The following UBA1 variants were observed in gnomAD, a reference collection of about 807,000 sequenced individuals.
UBA1 encodes the protein ubiquitin-like modifier-activating enzyme 1.
In UBA1, 4 loss-of-function variants were observed where a neutral mutation model predicts 84.7. The ratio of observed to expected loss-of-function variants is 0.05; its 90% CI spans 0.02 to 0.11. UBA1 has a LOEUF of 0.11. UBA1 is among the 10% of genes least tolerant of loss of function. The pLI, the probability that UBA1 is intolerant of heterozygous loss-of-function variation, is 1.00. For missense variants in UBA1, 513 were observed against 902.8 expected (o/e 0.57, Z 5.53); for synonymous variants, 364 against 362.6 (o/e 1.00, Z -0.04).
Position 47,206,055 on chromosome X carries a change from T to C in UBA1, c.1683T>C (p.Asp561=), listed in dbSNP as rs781873529. The change falls in exon 15 of 26, where the codon GAT becomes GAC. Residue 561 remains aspartate (D), a synonymous_variant. Transcript: ENST00000335972. ...RVGPDTERIY[D]DDFFQNLDGV... ...GTCCTGACACGGAGCGCATCTATGA[T>C]GACGATTTTTTCCAAAACCTAGATG... The C allele has an allele frequency of 9.1e-6, 11 of 1,203,578 alleles. No homozygotes were observed. The East Asian group carries it at 3.0e-4, about 33-fold the overall frequency.
chrX:47,204,431 C>A (rs1936573669), intron 14 of UBA1, among the ~76,000 whole-genome samples: 1 of 111,211 alleles, frequency 9.0e-6, no homozygotes, highest in Non-Finnish European at 1.9e-5. Context: ...ATAACAGCAA[C>A]AAGGTGTAAC....
At chrX:47,192,800 A>G (rs1486999404), upstream of UBA1, among the ~76,000 whole-genome samples, 2 of 112,334 alleles carry the variant, frequency 1.8e-5, no homozygotes, top group African/African-American at 3.2e-5. Flanking sequence ...CATCTTGGCC[A>G]GGCTGGTCTC....
intron 1 of UBA1, chrX:47,198,185 A>G: frequency 1.0e-6 from 1 of 973,709 alleles, no homozygotes; most frequent in East Asian, 7.6e-5. Flanking sequence ...CGCTCCTGCC[A>G]TCATGCCACC....
chrX:47,196,072 C>A (rs189488435), intron 1 of UBA1, among the ~76,000 whole-genome samples: 91 of 110,763 alleles, frequency 8.2e-4, no homozygotes, highest in African/African-American at 3.0e-3. Flanking sequence ...TGGGGCCCAG[C>A]AACTGTCCTC....
chrX:47,197,196 G>A, intron 1 of UBA1: 17 of 754,962 alleles, frequency 2.3e-5, no homozygotes, highest in Non-Finnish European at 2.7e-5. Flanking sequence ...TAGCCCTGTG[G>A]ACTGGGCCCT....
chrX:47,196,841 A>G (rs1025079640), intron 1 of UBA1, among the ~76,000 whole-genome samples: 29 of 112,012 alleles, frequency 2.6e-4, no homozygotes, highest in African/African-American at 9.4e-4. Flanking sequence ...TGACAAGGCA[A>G]GGAGATAACT....
Position 47,202,238 on chromosome X carries a change from T to C in UBA1, c.894T>C (p.Pro298=), listed in dbSNP as rs1936442262. 1 of 1,209,315 alleles carries C rather than the reference T, an allele frequency of 8.3e-7. No homozygotes were observed. Among genetic ancestry groups the C allele is most frequent in the Non-Finnish European group, 1.1e-6 (1 of 894,050 alleles). ...RGGIVSQVKV[P]KKISFKSLVA... ...GCATCGTCAGTCAGGTCAAAGTACC[T>C]AAGAAGATTAGCTTTGTGAGTGTGT... The change falls in exon 9 of 26, where the codon CCT becomes CCC. Residue 298 remains proline, a synonymous_variant. Transcript: ENST00000335972.
At chrX:47,194,395 T>C (rs1936125823) in intron 1 of UBA1, among the ~76,000 whole-genome samples, 1 of 112,318 alleles carries the variant, frequency 8.9e-6, no homozygotes, top group Admixed American at 9.4e-5. Context: ...TCCTCACCAT[T>C]GAATGCCGTT....
At chrX:47,192,193 G>T (rs1936077183), upstream of UBA1, among the ~76,000 whole-genome samples, 1 of 111,176 alleles carries the variant, frequency 9.0e-6, no homozygotes, top group African/African-American at 3.3e-5. Context: ...GGCTGGGCCG[G>T]GATTCAAATT....
chrX:47,210,148 T>G, intron 18 of UBA1, 25 bp downstream of exon 18: 2 of 1,208,814 alleles, frequency 1.7e-6, no homozygotes, highest in Non-Finnish European at 2.2e-6. Context: ...TTGGGTCCAT[T>G]TGGCAGAATG....
rs1936858848 is a variant in UBA1 at position 47,210,093 on chromosome X, G to T, written c.2169G>T (p.Arg723=). Residue 723 remains arginine (R), a synonymous_variant, in exon 18 of 26, where the codon CGG becomes CGT. Transcript: ENST00000335972. ...ACACCCAGTACTCGAACAACATCCG[G>T]CAGCTGCTGCACAACTTCCCTCCTG... is the stretch of plus-strand genomic sequence containing the variant. ...HWHTQYSNNI[R]QLLHNFPPDQ... The T allele has an allele frequency of 8.3e-7, 1 of 1,211,947 alleles. No homozygotes were observed. Among genetic ancestry groups the T allele is most frequent in the Non-Finnish European group, 1.1e-6 (1 of 895,576 alleles).
rs782610289 is a variant in UBA1, at chrX:47,214,905, C to T, written c.3153C>T (p.Pro1051=). The T allele has an allele frequency of 2.6e-5, 32 of 1,211,221 alleles. No individual in the cohort carries two copies. The highest frequency in any genetic ancestry group is 2.6e-5 in the Non-Finnish European group (23 of 895,516). ...AGAGCGGCGAGGATGTCGAGGTTCC[C>T]TATGTCCGATACACCATCCGCTGAC... ...NDESGEDVEV[P]YVRYTIR The change falls in exon 26 of 26, where the codon CCC becomes CCT. Residue 1051 remains proline (P), a synonymous_variant. Coordinates refer to ENST00000335972, the MANE Select transcript of UBA1 (RefSeq NM_003334.4).
At chrX:47,191,176 G>A (rs145766056), upstream of UBA1, among the ~76,000 whole-genome samples, 98 of 111,675 alleles carry the variant, frequency 8.8e-4, no homozygotes, top group African/African-American at 3.1e-3. Context: ...GGCAGGGTTT[G>A]GGGGGCTTTG....
rs550631811 is a variant in UBA1 at position 47,202,461 on chromosome X, A to G, written c.1013A>G (p.Gln338Arg). ...CACATTGGCTTCCAGGCCCTGCACC[A>G]GTTCTGTGCTCAGCATGGCCGGCCA... ...QLHIGFQALHQFCAQHGRPPR... is the reference protein window; with the variant it reads ...QLHIGFQALHRFCAQHGRPPR... The change falls in exon 10 of 26, where the codon CAG (glutamine) becomes CGG (arginine). Residue 338 changes from glutamine (Q) to arginine (R), a missense_variant. By Grantham distance (43) the Gln-to-Arg change is conservative (BLOSUM62 1). This residue lies in a region of UBA1 where 227 missense variants were observed against 339.1 expected (regional missense o/e 0.67). Transcript: ENST00000335972. The G allele has an allele frequency of 4.1e-6, 5 of 1,206,043 alleles. No individual in the cohort carries two copies. In the African/African-American group the frequency reaches 8.7e-5, roughly 21 times the overall value.
intron 20 of UBA1, among the ~76,000 whole-genome samples, chrX:47,211,708 C>A (rs1556793518): frequency 9.3e-6 from 1 of 107,598 alleles, no homozygotes; most frequent in Non-Finnish European, 1.9e-5. Context: ...TTCACCACCC[C>A]TCCCTTCTGT....
chrX:47,201,046 C>T, intron 6 of UBA1, 46 bp downstream of exon 6: 1 of 1,077,848 alleles, frequency 9.3e-7, no homozygotes, highest in Non-Finnish European at 1.3e-6. Context: ...TCCCCCAACT[C>T]CTACCAAGCC....
intron 8 of UBA1, 118 bp downstream of exon 8, chrX:47,201,728 G>A (rs1417616074): frequency 1.6e-5 from 14 of 878,613 alleles, no homozygotes; most frequent in Non-Finnish European, 2.3e-5. Context: ...GACACATCCT[G>A]GTGTTTGAGA....
intron 5 of UBA1, among the ~76,000 whole-genome samples, chrX:47,200,555 T>C (rs1556787417): frequency 9.0e-6 from 1 of 111,509 alleles, no homozygotes; most frequent in Non-Finnish European, 1.9e-5. Flanking sequence ...GTGGGTGTGG[T>C]AGGAGTGAGC....
intron 16 of UBA1, 147 bp downstream of exon 16, chrX:47,206,591 C>A: frequency 1.8e-6 from 1 of 569,457 alleles, no homozygotes; most frequent in Non-Finnish European, 2.9e-6. Context: ...TCACTTCCCA[C>A]CAGGCAGCCT....
Sources: allele counts gnomAD v4.1 joint callset (sites outside exome capture counted in the v4.1 genomes callset), GRCh38; gene constraint gnomAD v4.1.1; regional missense constraint gnomAD v4.1.1; transcripts MANE v1.5; gene names NCBI Gene and HGNC (gene_info 2026-07-23, HGNC 2026-07-21).